Variants in CSMD1 observed in about 807,000 individuals in gnomAD.
CSMD1 encodes CUB and Sushi multiple domains 1, also known as CUB and sushi domain-containing protein 1.
Under a neutral mutation model 417.5 loss-of-function variants are expected in CSMD1, and 213 were observed. The ratio of observed to expected loss-of-function variants is 0.51; its 90% CI spans 0.46 to 0.57. CSMD1 has a LOEUF of 0.57. CSMD1 is among the 20% of genes least tolerant of loss of function. The pLI is 0.00. For synonymous variants in CSMD1, 2,862 were observed against 1,736.8 expected, an observed-to-expected ratio of 1.65 and a Z score of -16.11; for missense variants, 6,923 against 4,529.7, an observed-to-expected ratio of 1.53 and a Z score of -15.17.
intron 7 of CSMD1, among the ~76,000 whole-genome samples, chr8:3,631,249 C>T (rs948080713): frequency 1.3e-5 from 2 of 152,144 alleles, no homozygotes; most frequent in Admixed American, 1.3e-4. Context: ...AAACTGTATC[C>T]TTCGTCGACT....
At chr8:3,849,183 G>C (rs902189616) in intron 5 of CSMD1, among the ~76,000 whole-genome samples, 1 of 152,048 alleles carries the variant, frequency 6.6e-6, no homozygotes, top group Non-Finnish European at 1.5e-5. Context: ...AACTTAGTTT[G>C]AATGAAAAAT....
Position 4,677,271 on chromosome 8 carries a change from C to G in CSMD1, c.86-39713G>C, listed in dbSNP as rs188757663. The stretch of plus-strand genomic sequence containing the variant: ...AATAATTCTACTTTGTTGAAGGAAT[C>G]CAACAATGTAGTTAGAAATTAAAGT... On this transcript the variant is annotated intron_variant, in intron 1 of 69. Coordinates refer to ENST00000635120, the MANE Select transcript of CSMD1 (RefSeq NM_033225.6). 1.0e-3 allele frequency among the ~76,000 whole-genome samples: 153 copies of G among 151,512 alleles called. 3 individuals are homozygous for G. In the East Asian group the frequency reaches 0.025, roughly 25 times the overall value.
chr8:4,269,309 C>G (rs934373478), intron 3 of CSMD1, among the ~76,000 whole-genome samples: 1 of 152,094 alleles, frequency 6.6e-6, no homozygotes, highest in Non-Finnish European at 1.5e-5. Flanking sequence ...GGTGATCCAC[C>G]CGCACTGGCC....
At position 4,092,248 on chromosome 8, in the gene CSMD1, A is replaced by T. The variant is rs1025854755; in HGVS notation, c.416-60149T>A. 3.3e-5 allele frequency among the ~76,000 whole-genome samples: 5 copies of T among 152,184 alleles called. No homozygotes were observed. The East Asian group carries it at 9.6e-4, about 29-fold the overall frequency. On this transcript the variant is annotated intron_variant, in intron 3 of 69. Transcript: ENST00000635120. ...CCTAGAAAAGGAAGACAAACAGGCAAAACCTCCATTAATTTGTTCCAACCA... is the reference window on the plus strand; with the variant it reads ...CCTAGAAAAGGAAGACAAACAGGCATAACCTCCATTAATTTGTTCCAACCA...
chr8:4,832,046 T>G (rs748992084), intron 1 of CSMD1, among the ~76,000 whole-genome samples: 1 of 152,208 alleles, frequency 6.6e-6, no homozygotes, highest in Non-Finnish European at 1.5e-5. Context: ...CATGTTACCT[T>G]ACAATCAAAC....
At chr8:4,511,704 T>C (rs774887132) in intron 2 of CSMD1, among the ~76,000 whole-genome samples, 11 of 152,180 alleles carry the variant, frequency 7.2e-5, no homozygotes, top group South Asian at 4.1e-4. Context: ...CCGTAACTGA[T>C]GAACTGCTGC....
rs140578018 is a variant in CSMD1, at chr8:4,227,261, G to C, written c.415+192692C>G. Among the ~76,000 whole-genome samples, 99 of 152,248 alleles carry C rather than the reference G, an allele frequency of 6.5e-4. No homozygotes were observed. In the East Asian group the frequency reaches 0.019, roughly 29 times the overall value. On this transcript the variant is annotated intron_variant, in intron 3 of 69. Transcript: ENST00000635120. Reference sequence around the variant, plus strand: ...TTAACCTCATTAGCAACATGGACGAGCAAGATGGCGACCACATATCCCCTC... The same window carrying C: ...TTAACCTCATTAGCAACATGGACGACCAAGATGGCGACCACATATCCCCTC...
chr8:4,340,833 T>A (rs1014631491), intron 3 of CSMD1, among the ~76,000 whole-genome samples: 1 of 152,098 alleles, frequency 6.6e-6, no homozygotes, highest in East Asian at 1.9e-4. Context: ...AGAATCTCAA[T>A]TATTTGGTTG....
chr8:4,232,071 G>A (rs1563310830), intron 3 of CSMD1, among the ~76,000 whole-genome samples: 1 of 152,232 alleles, frequency 6.6e-6, no homozygotes, highest in East Asian at 1.9e-4. Context: ...GAGCGAAGTA[G>A]TAATTATTGT....
intron 26 of CSMD1, among the ~76,000 whole-genome samples, chr8:3,260,029 A>G (rs997854808): frequency 6.6e-6 from 1 of 152,276 alleles, no homozygotes; most frequent in Non-Finnish European, 1.5e-5. Context: ...CTCTTCAGGG[A>G]AAAGGTTTGC....
intron 41 of CSMD1, among the ~76,000 whole-genome samples, chr8:3,137,931 C>T (rs542933209): frequency 6.6e-6 from 1 of 152,246 alleles, no homozygotes; most frequent in South Asian, 2.1e-4. Flanking sequence ...ATGGCATTAA[C>T]AACAATATCC....
chr8:4,177,619 C>T (rs1469008450), intron 3 of CSMD1, among the ~76,000 whole-genome samples: 1 of 148,078 alleles, frequency 6.8e-6, no homozygotes, highest in South Asian at 2.3e-4. Context: ...AATAACCCTT[C>T]AAAAAATTAA....
At chr8:3,575,678 T>G (rs1362499100) in intron 9 of CSMD1, among the ~76,000 whole-genome samples, 1 of 151,572 alleles carries the variant, frequency 6.6e-6, no homozygotes, top group African/African-American at 2.4e-5. Flanking sequence ...ACTTAAAATT[T>G]ATTGCAAGTT....
At chr8:3,085,514 G>A (rs901622162) in intron 49 of CSMD1, among the ~76,000 whole-genome samples, 1 of 152,176 alleles carries the variant, frequency 6.6e-6, no homozygotes, top group African/African-American at 2.4e-5. Flanking sequence ...TTGCCTCTCT[G>A]CCATGTTCCA....
At chr8:3,766,271 G>T (rs1212250420) in intron 5 of CSMD1, among the ~76,000 whole-genome samples, 2 of 152,130 alleles carry the variant, frequency 1.3e-5, no homozygotes, top group African/African-American at 4.8e-5. Flanking sequence ...CTCCTCACAG[G>T]CCTTTCAATG....
intron 10 of CSMD1, among the ~76,000 whole-genome samples, chr8:3,495,940 G>C (rs1358347863): frequency 2.0e-5 from 3 of 152,090 alleles, no homozygotes; most frequent in African/African-American, 4.8e-5. Flanking sequence ...TACATGGGCA[G>C]GATGTGCAGG....
At chr8:3,337,571 G>A (rs1807350991) in intron 23 of CSMD1, among the ~76,000 whole-genome samples, 1 of 152,162 alleles carries the variant, frequency 6.6e-6, no homozygotes, top group African/African-American at 2.4e-5. Context: ...TTTCATCAAT[G>A]CTATGTCTAA....
chr8:3,879,701 G>A (rs1806074815), intron 5 of CSMD1, among the ~76,000 whole-genome samples: 1 of 151,162 alleles, frequency 6.6e-6, no homozygotes, highest in Non-Finnish European at 1.5e-5. Context: ...AGAAAAAAAT[G>A]AAAGGCTAAC....
chr8:4,522,262 C>T (rs7824750), intron 2 of CSMD1, among the ~76,000 whole-genome samples: 39,589 of 152,074 alleles, frequency 0.26, 6,286 homozygotes, highest in Admixed American at 0.41. Context: ...CCACATAAGA[C>T]GTGACTTGCT....
Sources: gnomAD v4.1 joint callset for allele counts (sites outside exome capture counted in the v4.1 genomes callset) on GRCh38, gnomAD v4.1.1 for gene constraint, MANE v1.5 for transcripts, NCBI Gene and HGNC (gene_info 2026-07-23, HGNC 2026-07-21) for gene names.